Variants in NDST1 observed in about 807,000 individuals in gnomAD.
NDST1 encodes the protein bifunctional heparan sulfate N-deacetylase/N-sulfotransferase 1.
NDST1 carries 35 observed loss-of-function variants against 92.8 expected under a neutral mutation model. The ratio of observed to expected loss-of-function variants is 0.38; its 90% CI spans 0.29 to 0.50. The LOEUF is 0.50. NDST1 is among the 20% of genes least tolerant of loss of function. The pLI is 0.94. For missense variants in NDST1, 822 were observed against 1,182.7 expected (o/e 0.69, Z 4.47); for synonymous variants, 493 against 500.3 (o/e 0.99, Z 0.19).
intron 1 of NDST1, among the ~76,000 whole-genome samples, chr5:150,510,573 A>C (rs1227425531): frequency 1.3e-5 from 2 of 152,210 alleles, no homozygotes; most frequent in Admixed American, 1.3e-4. Context: ...CCCCACCCCC[A>C]GGCTGTCTGG....
intron 2 of NDST1, among the ~76,000 whole-genome samples, chr5:150,525,334 C>T (rs1424368102): frequency 1.3e-5 from 2 of 152,224 alleles, no homozygotes; most frequent in Non-Finnish European, 2.9e-5. Context: ...ACCTGGCAGT[C>T]AGCTCAGGGT....
At chr5:150,549,609 T>C in intron 12 of NDST1, 69 bp from the exon 13 acceptor site, 1 of 891,128 alleles carries the variant, frequency 1.1e-6, no homozygotes, top group South Asian at 1.4e-5. Context: ...CCATTCCTGC[T>C]GCCGTGGCTG....
chr5:150,508,015 G>C (rs1753539851), upstream of NDST1: 1 of 152,400 alleles, frequency 6.6e-6, no homozygotes, highest in Non-Finnish European at 1.5e-5. Flanking sequence ...AAGGGGCGTG[G>C]AGGTTTCTAG....
At chr5:150,515,418 C>T (rs1276175135) in intron 1 of NDST1, among the ~76,000 whole-genome samples, 2 of 152,248 alleles carry the variant, frequency 1.3e-5, no homozygotes, top group Non-Finnish European at 2.9e-5. Context: ...TTTGTTTGGG[C>T]TCCAGGGTCC....
chr5:150,531,402 T>G (rs1754724633), intron 3 of NDST1, among the ~76,000 whole-genome samples: 1 of 152,120 alleles, frequency 6.6e-6, no homozygotes, highest in African/African-American at 2.4e-5. Context: ...CCTGGTAAGA[T>G]GCTGATGGTG....
chr5:150,553,104 G>A lies in NDST1; in HGVS notation c.2530-109G>A, dbSNP rs895566779. On this transcript the variant is annotated intron_variant, in intron 14 of 14. Coordinates refer to ENST00000261797, the MANE Select transcript of NDST1 (RefSeq NM_001543.5). The surrounding 1 kb of genome is among the most constrained non-coding windows in gnomAD (Gnocchi z 4.2). The stretch of plus-strand genomic sequence containing the variant: ...GATCCACATGCCTCGGCCTCCCAAA[G>A]TGCTGGGATTACAGGCATGAGCCAC... 1 of 1,179,834 alleles carries A rather than the reference G, an allele frequency of 8.5e-7. No individual in the cohort carries two copies. The highest frequency in any genetic ancestry group is 1.2e-6 in the Non-Finnish European group (1 of 814,100). 73.1% of individuals were successfully genotyped at this position (1,179,834 alleles called of 1,614,324 possible).
upstream of NDST1, among the ~76,000 whole-genome samples, chr5:150,506,513 A>G (rs1753465755): frequency 6.6e-6 from 1 of 152,154 alleles, no homozygotes; most frequent in African/African-American, 2.4e-5. Context: ...TCCTGGCCCC[A>G]TGAACTGTTC....
At chr5:150,541,299 C>T (rs530626848) in intron 8 of NDST1, among the ~76,000 whole-genome samples, 1 of 152,170 alleles carries the variant, frequency 6.6e-6, no homozygotes, top group Non-Finnish European at 1.5e-5. Flanking sequence ...CTGGTTCAGA[C>T]GCAGCTTGTC....
At chr5:150,529,140 C>T (rs1400295017) in intron 3 of NDST1, among the ~76,000 whole-genome samples, 1 of 151,930 alleles carries the variant, frequency 6.6e-6, no homozygotes, top group Non-Finnish European at 1.5e-5. Flanking sequence ...GCTTGTAATC[C>T]CAGCACTTTG....
intron 1 of NDST1, among the ~76,000 whole-genome samples, chr5:150,519,072 C>T (rs1754120754): frequency 6.6e-6 from 1 of 152,140 alleles, no homozygotes; most frequent in Non-Finnish European, 1.5e-5. Context: ...CCACCACGCC[C>T]GACCCTTGTG....
chr5:150,552,003 T>C (rs1755745147), intron 14 of NDST1, 148 bp downstream of exon 14: 4 of 1,344,550 alleles, frequency 3.0e-6, no homozygotes, highest in Non-Finnish European at 4.1e-6. Flanking sequence ...AGGAGGAAAA[T>C]GGGGGCTGGG....
At position 150,521,097 on chromosome 5, in the gene NDST1, G is replaced by T; in HGVS notation, c.-158G>T. 1 of 660,316 alleles carries T rather than the reference G, an allele frequency of 1.5e-6. No individual in the cohort carries two copies. Among genetic ancestry groups the T allele is most frequent in the Non-Finnish European group, 2.6e-6 (1 of 389,756 alleles). The allele number at this position is 660,316 out of a possible 1,614,324, so 40.9% of individuals were successfully genotyped here. On this transcript the variant is annotated 5_prime_UTR_variant, in exon 2 of 15. Coordinates refer to ENST00000261797, the MANE Select transcript of NDST1 (RefSeq NM_001543.5). The surrounding 1 kb of genome is among the most constrained non-coding windows in gnomAD (Gnocchi z 5.9). Reference sequence around the variant, plus strand: ...CCCTGGCTGGGAGGAAGGACTGGGGGCCCAGATCCTCCACTCCCAGTGCCC... The same window carrying T: ...CCCTGGCTGGGAGGAAGGACTGGGGTCCCAGATCCTCCACTCCCAGTGCCC...
At chr5:150,526,361 C>G (rs1331884765) in intron 2 of NDST1, among the ~76,000 whole-genome samples, 1 of 152,228 alleles carries the variant, frequency 6.6e-6, no homozygotes, top group African/African-American at 2.4e-5. Flanking sequence ...CTTTGTTTTT[C>G]TCACTGTATC....
At chr5:150,545,546 G>GTTAC (rs1174305867) in intron 11 of NDST1, 60 bp downstream of exon 11, 1 of 1,590,054 alleles carries the variant, frequency 6.3e-7, no homozygotes. Context: ...CTGACACTCA[G>GTTAC]TTACTCACTC....
intron 1 of NDST1, among the ~76,000 whole-genome samples, chr5:150,517,275 C>CT (rs1303458855): frequency 6.6e-6 from 1 of 150,906 alleles, no homozygotes; most frequent in Non-Finnish European, 1.5e-5. Flanking sequence ...GTAGCTGGGT[C>CT]TACAGGCACA....
At chr5:150,516,321 T>C (rs1321306460) in intron 1 of NDST1, among the ~76,000 whole-genome samples, 2 of 152,250 alleles carry the variant, frequency 1.3e-5, no homozygotes, top group Admixed American at 6.5e-5. Context: ...AGCTAAGCTG[T>C]GATCCACATC....
chr5:150,506,922 G>T (rs1753485838), upstream of NDST1, among the ~76,000 whole-genome samples: 1 of 152,214 alleles, frequency 6.6e-6, no homozygotes, highest in Non-Finnish European at 1.5e-5. Context: ...GCTCCAGATG[G>T]CTCAAAGCTT....
At chr5:150,507,511 T>C (rs1753514237), upstream of NDST1, 1 of 152,290 alleles carries the variant, frequency 6.6e-6, no homozygotes, top group Non-Finnish European at 1.5e-5. Flanking sequence ...TCTAGCACTT[T>C]GAGGCTCCAG....
At chr5:150,519,974 G>A (rs77243364) in intron 1 of NDST1, among the ~76,000 whole-genome samples, 55 of 152,220 alleles carry the variant, frequency 3.6e-4, no homozygotes, top group Non-Finnish European at 6.3e-4. Context: ...GGTCCAGGGC[G>A]GGGGAGGCCT....
Sources: allele counts gnomAD v4.1 joint callset (sites outside exome capture counted in the v4.1 genomes callset), GRCh38; gene constraint gnomAD v4.1.1; non-coding constraint Gnocchi (gnomAD v3.1); transcripts MANE v1.5; gene names NCBI Gene and HGNC (gene_info 2026-07-23, HGNC 2026-07-21).